Variants in RABEP2 observed in about 807,000 individuals in gnomAD.
The protein encoded by RABEP2 is rabaptin, RAB GTPase binding effector protein 2.
RABEP2 carries 57 observed loss-of-function variants against 74.1 expected under a neutral mutation model. The ratio of observed to expected loss-of-function variants is 0.77; its 90% CI spans 0.62 to 0.96. The LOEUF is 0.96. Ranked by LOEUF, RABEP2 falls within the 40% of genes least tolerant of loss-of-function variation. RABEP2 has a pLI of 0.00. For synonymous variants in RABEP2, 351 were observed against 344.0 expected (o/e 1.02, Z -0.23); for missense variants, 692 against 756.3 (o/e 0.91, Z 1.00).
At chr16:28,917,983 T>C (rs1028841507) in intron 3 of RABEP2, 2 of 151,920 alleles carry the variant, frequency 1.3e-5, no homozygotes, top group African/African-American at 4.8e-5. Flanking sequence ...AGGTCTGCTA[T>C]AGGATCAAAT....
rs567418664 is a variant in RABEP2, at chr16:28,905,217, G to A, written c.1609-173C>T. On this transcript the variant is annotated intron_variant, in intron 12 of 12. Coordinates refer to ENST00000358201, the MANE Select transcript of RABEP2 (RefSeq NM_024816.3). ...CCATGCCCTGTACTGAGGGCTTCAG[G>A]TGACTGACCAAGGCTCACATGAGAG... Among the ~76,000 whole-genome samples, 144 of 152,288 alleles carry A rather than the reference G, an allele frequency of 9.5e-4. 1 individual carries two copies. The highest frequency in any genetic ancestry group is 1.8e-3 in the Non-Finnish European group (121 of 68,006).
intron 2 of RABEP2, 143 bp from the exon 3 acceptor site, chr16:28,920,086 T>A (rs1205457295): frequency 7.0e-6 from 7 of 1,001,298 alleles, no homozygotes; most frequent in Non-Finnish European, 9.8e-6. Context: ...TTGCAGAAAT[T>A]GACCTGGGCA....
rs1181341809 is a variant in RABEP2 at position 28,924,573 on chromosome 16, G to A, written c.104C>T (p.Ala35Val). The A allele has an allele frequency of 1.2e-6, 2 of 1,613,226 alleles. No individual in the cohort carries two copies. Among genetic ancestry groups the A allele is most frequent in the Non-Finnish European group, 8.5e-7 (1 of 1,180,032 alleles). ...AAGCCGGCTGAGCTCACCTGACTCG[G>A]CCTCACCATTTGCCCCTTCCTGGGA... The part of the protein sequence containing the change: ...SRSQEGANGE[A>V]ESGELSRLRA... The change falls in exon 2 of 13, where the codon GCC becomes GTC. Residue 35 changes from alanine (A) to valine (V), a missense_variant. Transcript: ENST00000358201.
At chr16:28,918,061 GTTTTTTTTTTTTTTTTTT>G (rs398029150) in intron 3 of RABEP2, 1 of 93,220 alleles carries the variant, frequency 1.1e-5, no homozygotes, top group African/African-American at 4.4e-5. Flanking sequence ...TCCTATAATT[GTTTTTTTTTTTTTTTTTT>G]TTTTTTTTTT....
At position 28,925,189 on chromosome 16, in the gene RABEP2, C is replaced by T. The variant is rs1471685833; in HGVS notation, c.-26G>A. ...TGCCTCAGCGCAAACGGCGGATTCCCGCACTCCCTGGTGACGGAGCGCACC... is the reference window on the plus strand; with the variant it reads ...TGCCTCAGCGCAAACGGCGGATTCCTGCACTCCCTGGTGACGGAGCGCACC... On this transcript the variant is annotated 5_prime_UTR_variant, in exon 1 of 13. Coordinates refer to ENST00000358201, the MANE Select transcript of RABEP2 (RefSeq NM_024816.3). 3.3e-6 allele frequency: 5 copies of T among 1,524,036 alleles called. No individual in the cohort carries two copies. In the East Asian group the frequency reaches 1.2e-4, roughly 38 times the overall value. The allele number at this position is 1,524,036 out of a possible 1,614,324, so 94.4% of individuals were successfully genotyped here.
At chr16:28,919,194 T>A (rs1420239596) in intron 3 of RABEP2, among the ~76,000 whole-genome samples, 1 of 152,168 alleles carries the variant, frequency 6.6e-6, no homozygotes, top group Non-Finnish European at 1.5e-5. Flanking sequence ...CTCACTCTAT[T>A]GCCCAGGTTG....
In RABEP2 at chr16:28,905,723, A is replaced by G. The variant is rs987614008; in HGVS notation, c.1472T>C (p.Val491Ala). Residue 491 changes from valine (V) to alanine (A), a missense_variant, in exon 11 of 13, where the codon GTG (valine) becomes GCG (alanine). Transcript: ENST00000358201. ...LCSLRTEMER[V>A]QQEQSKAQLP... Reference sequence around the variant, plus strand: ...CCTCACCTTGCTCTGTTCCTGCTGCACCCGCTCCATCTCTGTCCTCAGGCT... The same window carrying G: ...CCTCACCTTGCTCTGTTCCTGCTGCGCCCGCTCCATCTCTGTCCTCAGGCT... The G allele has an allele frequency of 1.2e-6, 2 of 1,613,442 alleles. No homozygotes were observed. Among genetic ancestry groups the G allele is most frequent in the African/African-American group, 2.7e-5 (2 of 74,744 alleles).
chr16:28,910,676 A>G, intron 7 of RABEP2: 1 of 537,714 alleles, frequency 1.9e-6, no homozygotes, highest in South Asian at 2.5e-5. Context: ...GCTCAAGATC[A>G]AACAGCTCTG....
At chr16:28,905,613 C>T in intron 11 of RABEP2, 91 bp downstream of exon 11, 1 of 1,231,800 alleles carries the variant, frequency 8.1e-7, no homozygotes, top group South Asian at 1.2e-5. Context: ...TCCACCTGGC[C>T]TGAGGGAGAC....
In RABEP2 at chr16:28,911,817, C is replaced by T. The variant is rs1596697996; in HGVS notation, c.895-638G>A. ...CAAAAAAAGTAGTTGGACGTGGTGG[C>T]GGGCCCCTGTAATCCCAGCTACTGG... On this transcript the variant is annotated intron_variant, in intron 5 of 12. Transcript: ENST00000358201. Among the ~76,000 whole-genome samples the T allele has an allele frequency of 4.0e-5, 6 of 151,892 alleles. 1 individual carries two copies. The highest frequency in any genetic ancestry group is 3.3e-4 in the Admixed American group (5 of 15,244).
Position 28,904,916 on chromosome 16 carries a change from G to T in RABEP2, c.*27C>A. 6.4e-7 allele frequency: 1 copy of T among 1,551,030 alleles called. No individual in the cohort carries two copies. Among genetic ancestry groups the T allele is most frequent in the Non-Finnish European group, 8.9e-7 (1 of 1,126,432 alleles). On this transcript the variant is annotated 3_prime_UTR_variant, in exon 13 of 13. Coordinates refer to ENST00000358201, the MANE Select transcript of RABEP2 (RefSeq NM_024816.3). ...GGAGTGGGGAAAGGCGTCTTTCCCA[G>T]GGTGGGGGTGGGGATATCCTGACCC... is the stretch of plus-strand genomic sequence containing the variant.
rs367984995 is a variant in RABEP2 at position 28,905,856 on chromosome 16, C to G, written c.1435+11G>C. 24 of 1,613,834 alleles carry G rather than the reference C, an allele frequency of 1.5e-5. No homozygotes were observed. Among genetic ancestry groups the G allele is most frequent in the Non-Finnish European group, 2.0e-5 (24 of 1,180,034 alleles). ...GGGCGATCCCCAAGATCACCTCCAG[C>G]ACACACTCACCCTCCAGCACCTCTG... On this transcript the variant is annotated intron_variant, in intron 10 of 12. Transcript: ENST00000358201.
chr16:28,925,236 T>C lies in RABEP2; in HGVS notation c.-73A>G. ...CACCGCTTCCGGGTCCTCTCGGCTG[T>C]TTCCGGATCCGCTCGGCTGTTTCCG... On this transcript the variant is annotated 5_prime_UTR_variant, in exon 1 of 13. Transcript: ENST00000358201. The C allele has an allele frequency of 1.4e-6, 2 of 1,472,042 alleles. No individual in the cohort carries two copies. The highest frequency in any genetic ancestry group is 1.8e-6 in the Non-Finnish European group (2 of 1,116,884). The allele number at this position is 1,472,042 out of a possible 1,614,324, so 91.2% of individuals were successfully genotyped here. A position where few individuals can be genotyped will look rare whatever the true frequency, so the allele number is the denominator to read the frequency against.
At chr16:28,907,863 G>A (rs373296239) in intron 8 of RABEP2, among the ~76,000 whole-genome samples, 66 of 152,178 alleles carry the variant, frequency 4.3e-4, no homozygotes, top group Non-Finnish European at 6.8e-4. Flanking sequence ...GCAATGGCGC[G>A]ATTTCGGCTC....
In RABEP2 at chr16:28,906,071, T is replaced by A; in HGVS notation, c.1371A>T (p.Thr457=). The A allele has an allele frequency of 6.3e-7, 1 of 1,599,482 alleles. No homozygotes were observed. Among genetic ancestry groups the A allele is most frequent in the Non-Finnish European group, 8.5e-7 (1 of 1,173,848 alleles). The change falls in exon 9 of 13, where the codon ACA becomes ACT. Residue 457 remains threonine (T), a synonymous_variant. Coordinates refer to ENST00000358201, the MANE Select transcript of RABEP2 (RefSeq NM_024816.3). ...VTLREALEEE[T]VARASLEGQL... is the part of the protein sequence containing the mutation. ...GCCCCTCCAGGCTGGCCCTGGCCACTGTCTCCTCCTCCAGAGCCTCCCGCA... is the reference window on the plus strand; with the variant it reads ...GCCCCTCCAGGCTGGCCCTGGCCACAGTCTCCTCCTCCAGAGCCTCCCGCA...
chr16:28,914,612 TG>T (rs752951563), intron 4 of RABEP2, 26 bp from the exon 5 acceptor site: 6 of 1,609,232 alleles, frequency 3.7e-6, no homozygotes, highest in Non-Finnish European at 5.1e-6. Context: ...GGGAAGAGGC[TG>T]GGGGGCCAGG....
At position 28,905,384 on chromosome 16, in the gene RABEP2, G is replaced by C. The variant is rs899145808; in HGVS notation, c.1608+13C>G. On this transcript the variant is annotated intron_variant, in intron 12 of 12. Coordinates refer to ENST00000358201, the MANE Select transcript of RABEP2 (RefSeq NM_024816.3). The stretch of plus-strand genomic sequence containing the variant: ...GGAGCCAGCCAGCCTGGCGGGGCTG[G>C]GACAGGCCATACCTGCAGGGCCTGG... 2 of 1,591,536 alleles carry C rather than the reference G, an allele frequency of 1.3e-6. No individual in the cohort carries two copies. Among genetic ancestry groups the C allele is most frequent in the South Asian group, 2.3e-5 (2 of 88,856 alleles).
intron 3 of RABEP2, 52 bp from the exon 4 acceptor site, chr16:28,914,834 C>G (rs1350641178): frequency 1.3e-6 from 2 of 1,530,640 alleles, no homozygotes; most frequent in African/African-American, 1.4e-5. Flanking sequence ...AGTGCTGAAG[C>G]CCCGGGTCTG....
intron 3 of RABEP2, among the ~76,000 whole-genome samples, chr16:28,919,021 C>T (rs151001160): frequency 9.2e-5 from 14 of 152,192 alleles, no homozygotes; most frequent in East Asian, 3.9e-4. Context: ...CTTCTATGTG[C>T]GTAAACAGGG....
Sources: gnomAD v4.1 joint callset for allele counts (sites outside exome capture counted in the v4.1 genomes callset) on GRCh38, gnomAD v4.1.1 for gene constraint, MANE v1.5 for transcripts, NCBI Gene and HGNC (gene_info 2026-07-23, HGNC 2026-07-21) for gene names.